Variants in ZNF207 observed in about 807,000 individuals in gnomAD.
ZNF207 encodes the protein zinc finger protein 207, also known as BUB3-interacting and GLEBS motif-containing protein ZNF207.
ZNF207 carries 24 observed loss-of-function variants against 60.2 expected under a neutral mutation model. The observed-to-expected ratio is 0.40, with a 90% CI of 0.29 to 0.56. The LOEUF (loss-of-function observed/expected upper bound fraction) is 0.56, where lower values mean the gene tolerates loss of function less well. ZNF207 is among the 20% of genes least tolerant of loss of function. The pLI is 0.49. For synonymous variants in ZNF207, 236 were observed against 194.7 expected (o/e 1.21, Z -1.77); for missense variants, 452 against 636.6 (o/e 0.71, Z 3.12).
intron 9 of ZNF207, among the ~76,000 whole-genome samples, chr17:32,367,239 T>TCATATATATATA (rs1905206663): frequency 3.1e-5 from 1 of 32,180 alleles, no homozygotes. Flanking sequence ...TTGGAGGGGA[T>TCATATATATATA]TATATATATA....
Position 32,367,979 on chromosome 17 carries a change from A to G in ZNF207, c.1129A>G (p.Ser377Gly). The G allele has an allele frequency of 6.2e-7, 1 of 1,614,200 alleles. No individual in the cohort carries two copies. The highest frequency in any genetic ancestry group is 8.5e-7 in the Non-Finnish European group (1 of 1,180,026). The change falls in exon 10 of 12, where the codon AGT (serine) becomes GGT (glycine). Residue 377 changes from serine to glycine, a missense_variant. Ser to Gly is a moderately conservative substitution (Grantham distance 56, BLOSUM62 0). Transcript: ENST00000394670. Reference protein sequence around the residue: ...PATLTTTSATSKLIHPDEDIS... With the variant: ...PATLTTTSATGKLIHPDEDIS... ...TACACTTACAACAACTAGTGCAACCAGTAAGTTGATCCATCCAGATGAGGA... is the reference window on the plus strand; with the variant it reads ...TACACTTACAACAACTAGTGCAACCGGTAAGTTGATCCATCCAGATGAGGA...
chr17:32,366,685 C>G lies in ZNF207; in HGVS notation c.849C>G (p.Ser283Arg). ...SAGQMGTPVT[S>R]SSTASSNSES... ...TACAGATGGGGACACCTGTCACAAG[C>G]TCAAGTACAGCTTCATCCAATTCAG... is the stretch of plus-strand genomic sequence containing the variant. The change falls in exon 9 of 12, where the codon AGC becomes AGG. Residue 283 changes from serine (S) to arginine (R), a missense_variant. Transcript: ENST00000394670. 6.2e-7 allele frequency: 1 copy of G among 1,610,138 alleles called. No homozygotes were observed. The highest frequency in any genetic ancestry group is 8.5e-7 in the Non-Finnish European group (1 of 1,178,734).
rs773027751 is a variant in ZNF207 at position 32,369,649 on chromosome 17, A to T, written c.1375A>T (p.Met459Leu). The change falls in exon 12 of 12, where the codon ATG becomes TTG. Residue 459 changes from methionine (M) to leucine (L), a missense_variant. Transcript: ENST00000394670. ...QGMPGYLPGA[M>L]PPYGQGPPMV... is the part of the protein sequence containing the mutation. ...CATGCCAGGATACCTTCCTGGTGCT[A>T]TGCCCCCGTATGGGCAGGGACCGCC... 1 of 1,588,312 alleles carries T rather than the reference A, an allele frequency of 6.3e-7. No individual in the cohort carries two copies. The highest frequency in any genetic ancestry group is 8.6e-7 in the Non-Finnish European group (1 of 1,167,556).
rs1396849363 is a variant in ZNF207, at chr17:32,376,487, A to G, written c.*6728A>G. 2.0e-5 allele frequency: 3 copies of G among 152,070 alleles called. No homozygotes were observed. Among genetic ancestry groups the G allele is most frequent in the Non-Finnish European group, 4.4e-5 (3 of 67,924 alleles). The allele number at this position is 152,070 out of a possible 1,614,324, so 9.4% of individuals were successfully genotyped here. On this transcript the variant is annotated 3_prime_UTR_variant, in exon 12 of 12. Transcript: ENST00000394670. ...GTTTGGAACTAAATTAGTTTGAGAA[A>G]TCTGAATCATCTCTCTTTAAATCTG...
chr17:32,357,354 T>TTA (rs1567815843), intron 2 of ZNF207, among the ~76,000 whole-genome samples: 52 of 78,618 alleles, frequency 6.6e-4, no homozygotes, highest in Non-Finnish European at 1.2e-3. Context: ...TATTATTATT[T>TTA]TTTTTTTTTT....
chr17:32,361,433 C>T, intron 5 of ZNF207, 35 bp from the exon 6 acceptor site: 2 of 1,580,738 alleles, frequency 1.3e-6, no homozygotes, highest in Non-Finnish European at 1.7e-6. Flanking sequence ...TTGAAAATCA[C>T]AGTTAGATTT....
intron 2 of ZNF207, among the ~76,000 whole-genome samples, chr17:32,354,119 T>C (rs1349199899): frequency 1.3e-5 from 2 of 152,042 alleles, no homozygotes; most frequent in African/African-American, 4.8e-5. Context: ...GGGACAACAA[T>C]TGTGTACCAC....
Position 32,373,648 on chromosome 17 carries a change from T to C in ZNF207, c.*3889T>C, listed in dbSNP as rs1352348323. The C allele has an allele frequency of 5.2e-6, 2 of 382,444 alleles. No homozygotes were observed. Among genetic ancestry groups the C allele is most frequent in the African/African-American group, 4.1e-5 (2 of 48,282 alleles). The allele number at this position is 382,444 out of a possible 1,614,324, so 23.7% of individuals were successfully genotyped here. On this transcript the variant is annotated 3_prime_UTR_variant, in exon 12 of 12. Coordinates refer to ENST00000394670, the MANE Select transcript of ZNF207 (RefSeq NM_001098507.2). ...ACTGTGGTGTTAATAAACATAAGTA[T>C]TTCATATGCAATTTTATGTAATTTG...
chr17:32,353,962 T>C (rs952794913), intron 2 of ZNF207, among the ~76,000 whole-genome samples: 2 of 152,180 alleles, frequency 1.3e-5, no homozygotes, highest in South Asian at 2.1e-4. Context: ...AGCTAACTTA[T>C]ATTGGGTAGT....
In ZNF207 at chr17:32,360,688, A is replaced by C. The variant is rs148404064; in HGVS notation, c.398A>C (p.Gln133Pro). Residue 133 changes from glutamine (Q) to proline (P), a missense_variant, in exon 4 of 12, where the codon CAA becomes CCA. By Grantham distance (76) the Gln-to-Pro change is moderately conservative (BLOSUM62 -1). Around this residue, in one of 2 missense-constraint regions of ZNF207, gnomAD observed 62 missense variants for 175.3 expected, o/e 0.35. Coordinates refer to ENST00000394670, the MANE Select transcript of ZNF207 (RefSeq NM_001098507.2). The part of the protein sequence containing the change: ...ASTSFQPQPV[Q>P]PQQGYIPPMA... Reference sequence around the variant, plus strand: ...ACTTCATTTCAGCCACAGCCTGTTCAACCTCAGCAAGGTTATATTCCTCCA... The same window carrying C: ...ACTTCATTTCAGCCACAGCCTGTTCCACCTCAGCAAGGTTATATTCCTCCA... The C allele has an allele frequency of 1.7e-4, 275 of 1,614,150 alleles. No individual in the cohort carries two copies. The African/African-American group carries it at 3.3e-3, about 19-fold the overall frequency.
intron 8 of ZNF207, among the ~76,000 whole-genome samples, chr17:32,366,128 A>C (rs986468853): frequency 6.6e-6 from 1 of 152,190 alleles, no homozygotes; most frequent in East Asian, 1.9e-4. Context: ...TTTATTCAGA[A>C]TTTAGATCGG....
At chr17:32,362,548 C>T (rs1567820531) in intron 6 of ZNF207, among the ~76,000 whole-genome samples, 2 of 152,152 alleles carry the variant, frequency 1.3e-5, no homozygotes, top group African/African-American at 4.8e-5. Context: ...GAGATTTCTT[C>T]TTTTTCTTTA....
Position 32,378,927 on chromosome 17 carries a change from A to G in ZNF207, c.*9168A>G, listed in dbSNP as rs1470769707. On this transcript the variant is annotated 3_prime_UTR_variant, in exon 12 of 12. Transcript: ENST00000394670. ...CTTGTGTGATGTTTAATTTGAGACG[A>G]TCTAGCCATAAAACTAGTAATCTTG... 6.6e-6 allele frequency: 1 copy of G among 152,088 alleles called. No homozygotes were observed. The highest frequency in any genetic ancestry group is 1.5e-5 in the Non-Finnish European group (1 of 67,930). 9.4% of individuals were successfully genotyped at this position (152,088 alleles called of 1,614,324 possible). A position where few individuals can be genotyped will look rare whatever the true frequency, so the allele number is the denominator to read the frequency against.
At position 32,375,427 on chromosome 17, in the gene ZNF207, T is replaced by TA. The variant is rs2150807272; in HGVS notation, c.*5669dup. The TA allele has an allele frequency of 6.6e-6, 1 of 152,274 alleles. No individual in the cohort carries two copies. Among genetic ancestry groups the TA allele is most frequent in the East Asian group, 1.9e-4 (1 of 5,192 alleles). 9.4% of individuals were successfully genotyped at this position (152,274 alleles called of 1,614,324 possible). ...AAAGTGTGCTGGAAATACAGGCTCT[T>TA]ATCTGGTTGAGTACTGGGGGTGGGA... On this transcript the variant is annotated 3_prime_UTR_variant, in exon 12 of 12. Coordinates refer to ENST00000394670, the MANE Select transcript of ZNF207 (RefSeq NM_001098507.2).
chr17:32,361,263 C>A, intron 5 of ZNF207: 1 of 572,100 alleles, frequency 1.7e-6, no homozygotes. Flanking sequence ...TCAGAATTAT[C>A]TGTGACACTT....
chr17:32,357,348 A>ATTTT (rs772462101), intron 2 of ZNF207, among the ~76,000 whole-genome samples: 17 of 77,688 alleles, frequency 2.2e-4, no homozygotes, highest in South Asian at 1.3e-3. Context: ...TATTATTATT[A>ATTTT]TTATTTTTTT....
rs548401897 is a variant in ZNF207 at position 32,375,751 on chromosome 17, C to T, written c.*5992C>T. On this transcript the variant is annotated 3_prime_UTR_variant, in exon 12 of 12. Transcript: ENST00000394670. ...TTTTTAAAAGGTTGTCATTATTGAC[C>T]TAATATTGAGTAATCTTTCTGCGTT... 1 of 151,920 alleles carries T rather than the reference C, an allele frequency of 6.6e-6. No individual in the cohort carries two copies. The highest frequency in any genetic ancestry group is 2.4e-5 in the African/African-American group (1 of 41,368). The allele number at this position is 151,920 out of a possible 1,614,324, so 9.4% of individuals were successfully genotyped here. A position where few individuals can be genotyped will look rare whatever the true frequency, so the allele number is the denominator to read the frequency against.
intron 3 of ZNF207, among the ~76,000 whole-genome samples, chr17:32,360,187 A>C (rs112613963): frequency 0.02 from 532 of 26,050 alleles, no homozygotes; most frequent in African/African-American, 0.042. Context: ...CCCCCCCCCC[A>C]AAAAAAAAAA....
At position 32,380,310 on chromosome 17, in the gene ZNF207, T is replaced by C. The variant is rs766372590; in HGVS notation, c.*10551T>C. Reference sequence around the variant, plus strand: ...TTATTGCATCTCTTTTGCGACTTCATGTAGATGTGATTAACATTTTTTACA... The same window carrying C: ...TTATTGCATCTCTTTTGCGACTTCACGTAGATGTGATTAACATTTTTTACA... On this transcript the variant is annotated 3_prime_UTR_variant, in exon 12 of 12. Transcript: ENST00000394670. 23 of 152,574 alleles carry C rather than the reference T, an allele frequency of 1.5e-4. No individual in the cohort carries two copies. Among genetic ancestry groups the C allele is most frequent in the Non-Finnish European group, 2.5e-4 (17 of 68,042 alleles). The allele number at this position is 152,574 out of a possible 1,614,324, so 9.5% of individuals were successfully genotyped here. A position where few individuals can be genotyped will look rare whatever the true frequency, so the allele number is the denominator to read the frequency against.
Sources: allele counts gnomAD v4.1 joint callset (sites outside exome capture counted in the v4.1 genomes callset), GRCh38; gene constraint gnomAD v4.1.1; regional missense constraint gnomAD v4.1.1; transcripts MANE v1.5; gene names NCBI Gene and HGNC (gene_info 2026-07-23, HGNC 2026-07-21).